LMO3: variants seen among roughly 807,000 people sequenced by gnomAD.
LMO3 encodes LIM domain only protein 3.
In LMO3, 2 loss-of-function variants were observed where a neutral mutation model predicts 15.8. That is an observed-to-expected ratio of 0.13 (90% CI 0.05 to 0.40). The LOEUF (loss-of-function observed/expected upper bound fraction) is 0.40. Ranked by LOEUF, LMO3 falls within the 10% of genes least tolerant of loss-of-function variation. The pLI is 0.99. For synonymous variants in LMO3, 62 were observed against 63.8 expected (o/e 0.97, Z 0.13); for missense variants, 86 against 182.2 (o/e 0.47, Z 3.04).
Position 16,596,119 on chromosome 12 carries a change from G to C in LMO3, c.206+4536C>G, listed in dbSNP as rs144114106. 4.9e-3 allele frequency among the ~76,000 whole-genome samples: 737 copies of C among 151,582 alleles called. 4 individuals carry two copies. The highest frequency in any genetic ancestry group is 0.017 in the African/African-American group (693 of 41,484). On this transcript the variant is annotated intron_variant, in intron 2 of 3. Transcript: ENST00000537304. The surrounding 1 kb of genome is among the most constrained non-coding windows in gnomAD (Gnocchi z 4.3). ...GAAGCACCAGGTTTGATCAGCGTGA[G>C]ATAAAGTTACAGCTAGATTTATGCC...
intron 2 of LMO3, among the ~76,000 whole-genome samples, chr12:16,566,547 A>T (rs1347183633): frequency 6.6e-6 from 1 of 152,164 alleles, no homozygotes; most frequent in African/African-American, 2.4e-5. Context: ...TAAGGTGCTA[A>T]TTAAAAAAAG....
chr12:16,601,622 A>G (rs1344784915), intron 1 of LMO3, among the ~76,000 whole-genome samples: 1 of 152,194 alleles, frequency 6.6e-6, no homozygotes, highest in Non-Finnish European at 1.5e-5. Flanking sequence ...TACCATAAAC[A>G]TGCAATTATT....
At position 16,597,234 on chromosome 12, in the gene LMO3, TTTTC is replaced by T. The variant is rs1189374042; in HGVS notation, c.206+3417_206+3420del. On this transcript the variant is annotated intron_variant, in intron 2 of 3. Coordinates refer to ENST00000537304, the MANE Select transcript of LMO3 (RefSeq NM_018640.5). This position sits in a 1 kb window ranked among gnomAD's most constrained non-coding sequence, Gnocchi z 5.0. ...ACTTAGTGTACAAACTATGGAAGATTTTTCTTTCTTTTTCTCTTAAATATAGCTA... is the reference window on the plus strand; with the variant it reads ...ACTTAGTGTACAAACTATGGAAGATTTTTCTTTTTCTCTTAAATATAGCTA... Among the ~76,000 whole-genome samples the T allele has an allele frequency of 1.3e-5, 2 of 151,756 alleles. No individual in the cohort carries two copies. The highest frequency in any genetic ancestry group is 1.5e-5 in the Non-Finnish European group (1 of 67,714).
At position 16,593,986 on chromosome 12, in the gene LMO3, G is replaced by T; in HGVS notation, c.206+6669C>A. On this transcript the variant is annotated intron_variant, in intron 2 of 3. Transcript: ENST00000537304. The surrounding 1 kb of genome is among the most constrained non-coding windows in gnomAD (Gnocchi z 4.2). ...AGAATTAGATATTTAAAATCACAAG[G>T]AAATAAATTTAGGCATTCTGTAGTT... 1 of 640,566 alleles carries T rather than the reference G, an allele frequency of 1.6e-6. No individual in the cohort carries two copies. Among genetic ancestry groups the T allele is most frequent in the Non-Finnish European group, 2.5e-6 (1 of 395,348 alleles). The allele number at this position is 640,566 out of a possible 1,614,324, so 39.7% of individuals were successfully genotyped here.
rs895946733 is a variant in LMO3, at chr12:16,589,043, TGTGAAGCTGGG to T, written c.206+11601_206+11611del. 1.3e-5 allele frequency among the ~76,000 whole-genome samples: 2 copies of T among 152,030 alleles called. No homozygotes were observed. The highest frequency in any genetic ancestry group is 1.3e-4 in the Admixed American group (2 of 15,238). ...AGAGGTTGAGTAAGTTGCCTAGGAATGTGAAGCTGGGGTGTAGCAGAAGGGGGTCGACGTCA... is the reference window on the plus strand; with the variant it reads ...AGAGGTTGAGTAAGTTGCCTAGGAATGTGTAGCAGAAGGGGGTCGACGTCA... On this transcript the variant is annotated intron_variant, in intron 2 of 3. Coordinates refer to ENST00000537304, the MANE Select transcript of LMO3 (RefSeq NM_018640.5). The surrounding 1 kb of genome is among the most constrained non-coding windows in gnomAD (Gnocchi z 4.2).
chr12:16,595,459 CCTA>C (rs976127505), intron 2 of LMO3, among the ~76,000 whole-genome samples: 5 of 151,244 alleles, frequency 3.3e-5, no homozygotes, highest in Admixed American at 3.3e-4. Flanking sequence ...TGTGAATTCA[CCTA>C]CTATTTTCCA....
chr12:16,565,921 T>C (rs1942580770), intron 2 of LMO3, among the ~76,000 whole-genome samples: 1 of 139,720 alleles, frequency 7.2e-6, no homozygotes, highest in Non-Finnish European at 1.5e-5. Flanking sequence ...CTATTTACAA[T>C]AGTCAAGCTA....
chr12:16,574,301 G>A (rs906722099), intron 2 of LMO3, among the ~76,000 whole-genome samples: 5 of 152,122 alleles, frequency 3.3e-5, no homozygotes, highest in Admixed American at 6.6e-5. Context: ...GCAGATGCAG[G>A]ATGTCTGATC....
chr12:16,580,087 T>G (rs1160326702), intron 2 of LMO3, among the ~76,000 whole-genome samples: 1 of 152,224 alleles, frequency 6.6e-6, no homozygotes, highest in Admixed American at 6.5e-5. Context: ...TTATACAATA[T>G]GATATCATTT....
At position 16,586,914 on chromosome 12, in the gene LMO3, C is replaced by T. The variant is rs74718931; in HGVS notation, c.206+13741G>A. On this transcript the variant is annotated intron_variant, in intron 2 of 3. Coordinates refer to ENST00000537304, the MANE Select transcript of LMO3 (RefSeq NM_018640.5). The surrounding 1 kb of genome is among the most constrained non-coding windows in gnomAD (Gnocchi z 4.3). ...TCTCATCTAAATTCATGGAATTCTC[C>T]CCTCTAATAATAGAGTCATGTGATA... 3.9e-3 allele frequency among the ~76,000 whole-genome samples: 600 copies of T among 152,192 alleles called. 2 individuals are homozygous for T. Among genetic ancestry groups the T allele is most frequent in the African/African-American group, 0.014 (572 of 41,520 alleles).
rs1441175551 is a variant in LMO3, at chr12:16,586,687, A to G, written c.206+13968T>C. Among the ~76,000 whole-genome samples the G allele has an allele frequency of 4.6e-5, 7 of 152,290 alleles. No homozygotes were observed. The highest frequency in any genetic ancestry group is 1.4e-4 in the African/African-American group (6 of 41,564). ...ACCGTCGGGGTAGAGATTTCAAGAT[A>G]CACATCTTTTGACCCCCCATTGCAG... On this transcript the variant is annotated intron_variant, in intron 2 of 3. Coordinates refer to ENST00000537304, the MANE Select transcript of LMO3 (RefSeq NM_018640.5). The surrounding 1 kb of genome is among the most constrained non-coding windows in gnomAD (Gnocchi z 4.3).
chr12:16,558,594 T>A (rs1942276638), intron 3 of LMO3, among the ~76,000 whole-genome samples: 2 of 152,120 alleles, frequency 1.3e-5, no homozygotes, highest in South Asian at 4.1e-4. Flanking sequence ...TTCGTCTAAA[T>A]GTTACCCTAG....
In LMO3 at chr12:16,548,412, TAAA is replaced by T. The variant is rs892770695; in HGVS notation, c.*2807_*2809del. On this transcript the variant is annotated 3_prime_UTR_variant, in exon 4 of 4. Coordinates refer to ENST00000537304, the MANE Select transcript of LMO3 (RefSeq NM_018640.5). This position sits in a 1 kb window ranked among gnomAD's most constrained non-coding sequence, Gnocchi z 4.2. ...TTTATTAAAAACATAAATCCAAATGTAAAAAAGTGAATGAAAGAATCCAGCAGA... is the reference window on the plus strand; with the variant it reads ...TTTATTAAAAACATAAATCCAAATGTAAAGTGAATGAAAGAATCCAGCAGA... The T allele has an allele frequency of 2.0e-5, 3 of 152,000 alleles. No individual in the cohort carries two copies. Among genetic ancestry groups the T allele is most frequent in the Non-Finnish European group, 4.4e-5 (3 of 67,992 alleles). The allele number at this position is 152,000 out of a possible 1,614,324, so 9.4% of individuals were successfully genotyped here.
chr12:16,609,748 GA>G (rs1944090010), upstream of LMO3: 1 of 151,916 alleles, frequency 6.6e-6, no homozygotes, highest in African/African-American at 2.4e-5. Context: ...GCCCAAAGGA[GA>G]TCTCCCACAA....
In LMO3 at chr12:16,590,614, A is replaced by T. The variant is rs186127074; in HGVS notation, c.206+10041T>A. ...TATTACCTAAGAATTAAAAAAAAAA[A>T]TCGGTATCATTGTGATCAGGACAGT... On this transcript the variant is annotated intron_variant, in intron 2 of 3. Coordinates refer to ENST00000537304, the MANE Select transcript of LMO3 (RefSeq NM_018640.5). 4.1e-3 allele frequency among the ~76,000 whole-genome samples: 628 copies of T among 151,808 alleles called. 3 individuals carry two copies. The highest frequency in any genetic ancestry group is 0.017 in the South Asian group (80 of 4,808).
chr12:16,609,579 C>T (rs1306491719), upstream of LMO3, among the ~76,000 whole-genome samples: 2 of 151,998 alleles, frequency 1.3e-5, no homozygotes, highest in Admixed American at 6.6e-5. Context: ...CTTCATCCAG[C>T]CCCCATCCCA....
rs372513646 is a variant in LMO3, at chr12:16,599,298, A to G, written c.206+1357T>C. Reference sequence around the variant, plus strand: ...GTTTTACGCACTTGGAACACAGAGAAGTAGTAACAAGTGGCCATAATTAGT... The same window carrying G: ...GTTTTACGCACTTGGAACACAGAGAGGTAGTAACAAGTGGCCATAATTAGT... On this transcript the variant is annotated intron_variant, in intron 2 of 3. Transcript: ENST00000537304. This position sits in a 1 kb window ranked among gnomAD's most constrained non-coding sequence, Gnocchi z 4.1. 4 of 152,254 alleles carry G rather than the reference A, an allele frequency of 2.6e-5. No individual in the cohort carries two copies. The highest frequency in any genetic ancestry group is 9.7e-5 in the African/African-American group (4 of 41,448). 9.4% of individuals were successfully genotyped at this position (152,254 alleles called of 1,614,324 possible).
In LMO3 at chr12:16,589,885, C is replaced by G. The variant is rs533218918; in HGVS notation, c.206+10770G>C. On this transcript the variant is annotated intron_variant, in intron 2 of 3. Transcript: ENST00000537304. The surrounding 1 kb of genome is among the most constrained non-coding windows in gnomAD (Gnocchi z 4.2). ...GCAGACCACAGTAGGAATTAAGCCTCGTAAAGCTCTCTGGCTACTGTCTCC... is the reference window on the plus strand; with the variant it reads ...GCAGACCACAGTAGGAATTAAGCCTGGTAAAGCTCTCTGGCTACTGTCTCC... 9.9e-5 allele frequency among the ~76,000 whole-genome samples: 15 copies of G among 152,178 alleles called. No homozygotes were observed. Among genetic ancestry groups the G allele is most frequent in the Non-Finnish European group, 1.9e-4 (13 of 67,982 alleles).
rs1431175310 is a variant in LMO3, at chr12:16,549,458, AT to A, written c.*1763del. 1 of 152,548 alleles carries A rather than the reference AT, an allele frequency of 6.6e-6. No individual in the cohort carries two copies. Among genetic ancestry groups the A allele is most frequent in the Non-Finnish European group, 1.5e-5 (1 of 67,994 alleles). The allele number at this position is 152,548 out of a possible 1,614,324, so 9.4% of individuals were successfully genotyped here. A position where few individuals can be genotyped will look rare whatever the true frequency, so the allele number is the denominator to read the frequency against. Reference sequence around the variant, plus strand: ...ATCCAGATTCACATGCATGTTCATAATAAAGCTTTGTTTTAAAACAAATCCA... The same window carrying A: ...ATCCAGATTCACATGCATGTTCATAAAAAGCTTTGTTTTAAAACAAATCCA... On this transcript the variant is annotated 3_prime_UTR_variant, in exon 4 of 4. Coordinates refer to ENST00000537304, the MANE Select transcript of LMO3 (RefSeq NM_018640.5).
Sources: gnomAD v4.1 joint callset for allele counts (sites outside exome capture counted in the v4.1 genomes callset) on GRCh38, gnomAD v4.1.1 for gene constraint, Gnocchi (gnomAD v3.1) non-coding constraint, MANE v1.5 for transcripts, NCBI Gene and HGNC (gene_info 2026-07-23, HGNC 2026-07-21) for gene names.